The following MED13 variants were observed in gnomAD, a reference collection of about 807,000 sequenced individuals.
The protein encoded by MED13 is mediator of RNA polymerase II transcription subunit 13.
Under a neutral mutation model 225.2 loss-of-function variants are expected in MED13, and 23 were observed. The ratio of observed to expected loss-of-function variants is 0.10; its 90% CI spans 0.07 to 0.14. The LOEUF (loss-of-function observed/expected upper bound fraction) is 0.14. Among genes scored for constraint, MED13 ranks in the 10% least tolerant of loss-of-function variants. The probability of loss-of-function intolerance (pLI) is 1.00; values close to 1 mark genes in which losing one functional copy is unlikely to be tolerated. For synonymous variants in MED13, 942 were observed against 889.2 expected, an observed-to-expected ratio of 1.06 and a Z score of -1.06; for missense variants, 2,197 against 2,594.5, an observed-to-expected ratio of 0.85 and a Z score of 3.33.
In MED13 at chr17:62,031,579, T is replaced by G. The variant is rs761020969; in HGVS notation, c.874A>C (p.Thr292Pro). The G allele has an allele frequency of 1.2e-6, 2 of 1,612,236 alleles. No individual in the cohort carries two copies. Among genetic ancestry groups the G allele is most frequent in the East Asian group, 4.5e-5 (2 of 44,750 alleles). Reference sequence around the variant, plus strand: ...TGAGTGGATCCCACAGGGCTAGGAGTAGGAATGTCTGACTGAGGGACTAGA... The same window carrying G: ...TGAGTGGATCCCACAGGGCTAGGAGGAGGAATGTCTGACTGAGGGACTAGA... ...FVLVPQSDIP[T>P]PSPVGSTHCS... is the part of the protein sequence containing the mutation. Residue 292 changes from threonine (T) to proline (P), a missense_variant, in exon 6 of 30, where the codon ACT (threonine) becomes CCT (proline). Thr to Pro is a conservative substitution (Grantham distance 38, BLOSUM62 -1). Transcript: ENST00000397786.
At chr17:62,015,852 ATGTGTATAGTGTGTATGTGTGTGTG>A (rs2080560678) in intron 8 of MED13, among the ~76,000 whole-genome samples, 1 of 110,626 alleles carries the variant, frequency 9.0e-6, no homozygotes, top group Non-Finnish European at 1.8e-5. Flanking sequence ...CACTATATAT[ATGTGTATAGTGTGTATGTGTGTGTG>A]TATATATATA....
intron 7 of MED13, 71 bp from the exon 8 acceptor site, chr17:62,029,722 ATTAATT>A: frequency 6.6e-7 from 1 of 1,525,278 alleles, no homozygotes; most frequent in South Asian, 1.2e-5. Flanking sequence ...TAGCATTGAA[ATTAATT>A]TTAAAGATCA....
intron 2 of MED13, among the ~76,000 whole-genome samples, chr17:62,062,602 A>ACACAC (rs2081048894): frequency 4.0e-5 from 1 of 25,028 alleles, no homozygotes; most frequent in African/African-American, 2.4e-4. Flanking sequence ...CACACACACC[A>ACACAC]CACACACACA....
At chr17:61,981,369 T>C (rs1022537393) in intron 16 of MED13, among the ~76,000 whole-genome samples, 14 of 152,190 alleles carry the variant, frequency 9.2e-5, no homozygotes, top group Admixed American at 7.9e-4. Flanking sequence ...GTTACTTTCC[T>C]TGTCAAAACT....
intron 28 of MED13, among the ~76,000 whole-genome samples, chr17:61,950,432 G>A (rs937994636): frequency 3.3e-5 from 5 of 151,040 alleles, no homozygotes; most frequent in African/African-American, 1.2e-4. Context: ...CACCCAGGCT[G>A]GAGTGAAGTG....
At chr17:61,974,292 T>C (rs2080134602) in intron 16 of MED13, among the ~76,000 whole-genome samples, 1 of 151,952 alleles carries the variant, frequency 6.6e-6, no homozygotes, top group African/African-American at 2.4e-5. Context: ...TGGTCCCAGC[T>C]ACTCAGGAGA....
At chr17:62,049,585 TG>T (rs764151404) in intron 3 of MED13, among the ~76,000 whole-genome samples, 4 of 151,446 alleles carry the variant, frequency 2.6e-5, no homozygotes, top group Non-Finnish European at 4.4e-5. Flanking sequence ...AATAATTAAG[TG>T]AAAAAAAGGG....
rs1167652520 is a variant in MED13, at chr17:61,992,639, A to G, written c.2182-18T>C. On this transcript the variant is annotated intron_variant, in intron 10 of 29. Coordinates refer to ENST00000397786, the MANE Select transcript of MED13 (RefSeq NM_005121.3). ...TCTTCTACCTGCAAACAAATATTTC[A>G]TGTTAGGCTGAAATATATAATTTAC... 4 of 1,540,536 alleles carry G rather than the reference A, an allele frequency of 2.6e-6. No individual in the cohort carries two copies. Among genetic ancestry groups the G allele is most frequent in the Non-Finnish European group, 3.6e-6 (4 of 1,115,340 alleles).
chr17:61,970,679 CAAAA>C (rs10600340), intron 17 of MED13, among the ~76,000 whole-genome samples: 2 of 46,916 alleles, frequency 4.3e-5, no homozygotes, highest in Non-Finnish European at 7.2e-5. Context: ...GAGACTGTCT[CAAAA>C]AAAAAAAAAA....
rs760964954 is a variant in MED13, at chr17:62,052,645, T to G, written c.362A>C (p.Lys121Thr). 6.2e-7 allele frequency: 1 copy of G among 1,604,142 alleles called. No homozygotes were observed. The highest frequency in any genetic ancestry group is 1.7e-5 in the Admixed American group (1 of 59,410). Residue 121 changes from lysine (K) to threonine (T), a missense_variant, in exon 3 of 30, where the codon AAA (lysine) becomes ACA (threonine). This residue lies in a region of MED13 where 884 missense variants were observed against 918.5 expected (regional missense o/e 0.96). Transcript: ENST00000397786. ...LSYECRTLLF[K>T]AVHNLLERCL... ...CCGTTCCAATAGATTGTGAACTGCTTTGAAAAGCAGAGTACGGCATTCATA... is the reference window on the plus strand; with the variant it reads ...CCGTTCCAATAGATTGTGAACTGCTGTGAAAAGCAGAGTACGGCATTCATA...
intron 2 of MED13, 152 bp downstream of exon 2, chr17:62,062,915 T>A (rs532037393): frequency 3.2e-4 from 189 of 583,782 alleles, no homozygotes; most frequent in Non-Finnish European, 1.6e-4. Flanking sequence ...TAAAATAAAA[T>A]AATCATGGTG....
At chr17:61,948,146 A>G (rs1239648118) in intron 28 of MED13, among the ~76,000 whole-genome samples, 1 of 152,198 alleles carries the variant, frequency 6.6e-6, no homozygotes, top group African/African-American at 2.4e-5. Flanking sequence ...AACCCATTAT[A>G]TTTCCAAGCA....
intron 13 of MED13, 28 bp from the exon 14 acceptor site, chr17:61,984,893 A>T: frequency 6.3e-7 from 1 of 1,596,056 alleles, no homozygotes; most frequent in South Asian, 1.1e-5. Flanking sequence ...ATACATTTTA[A>T]CATGACTAAA....
chr17:62,026,499 TGTAGCTG>T lies in MED13; in HGVS notation c.1283+3035_1283+3041del, dbSNP rs2080703547. Among the ~76,000 whole-genome samples the T allele has an allele frequency of 2.9e-5, 4 of 137,708 alleles. No homozygotes were observed. The Admixed American group carries it at 3.0e-4, about 10-fold the overall frequency. 90.3% of individuals were successfully genotyped at this position (137,708 alleles called of 152,430 possible). On this transcript the variant is annotated intron_variant, in intron 8 of 29. Coordinates refer to ENST00000397786, the MANE Select transcript of MED13 (RefSeq NM_005121.3). Reference sequence around the variant, plus strand: ...TCATTAAAAAAAAAAAAAAAAAGACTGTAGCTGGAAGCACTCCCCTTGAAAAGTGGCA... The same window carrying T: ...TCATTAAAAAAAAAAAAAAAAAGACTGAAGCACTCCCCTTGAAAAGTGGCA...
chr17:61,984,897 G>T, intron 13 of MED13, 32 bp from the exon 14 acceptor site: 3 of 1,592,402 alleles, frequency 1.9e-6, no homozygotes, highest in African/African-American at 2.7e-5. Flanking sequence ...ATTTTAACAT[G>T]ACTAAAAATA....
Position 61,984,480 on chromosome 17 carries a change from T to C in MED13, c.2692-113A>G, listed in dbSNP as rs563889717. On this transcript the variant is annotated intron_variant, in intron 14 of 29. Transcript: ENST00000397786. Reference sequence around the variant, plus strand: ...TTCTTTAAACAGAATAAAATCTAAATACAATTCTATTATTTTCTTAAATGC... The same window carrying C: ...TTCTTTAAACAGAATAAAATCTAAACACAATTCTATTATTTTCTTAAATGC... 107 of 972,694 alleles carry C rather than the reference T, an allele frequency of 1.1e-4. No homozygotes were observed. In the African/African-American group the frequency reaches 1.6e-3, roughly 15 times the overall value. The allele number at this position is 972,694 out of a possible 1,614,324, so 60.3% of individuals were successfully genotyped here. A position where few individuals can be genotyped will look rare whatever the true frequency, so the allele number is the denominator to read the frequency against.
intron 23 of MED13, among the ~76,000 whole-genome samples, chr17:61,960,373 T>G (rs1334747380): frequency 6.6e-6 from 1 of 151,878 alleles, no homozygotes; most frequent in African/African-American, 2.4e-5. Flanking sequence ...GAGATTCAAG[T>G]GATTCTCCTG....
intron 27 of MED13, among the ~76,000 whole-genome samples, 158 bp from the exon 28 acceptor site, chr17:61,951,156 T>C (rs1051009460): frequency 6.6e-6 from 1 of 152,198 alleles, no homozygotes; most frequent in Admixed American, 6.5e-5. Context: ...TCTATGTACT[T>C]AGGAGTATTA....
intron 1 of MED13, among the ~76,000 whole-genome samples, chr17:62,064,625 CAAGA>C (rs1405544644): frequency 6.6e-6 from 1 of 152,004 alleles, no homozygotes; most frequent in Non-Finnish European, 1.5e-5. Context: ...TTAAGTCACC[CAAGA>C]AAGAAACTAA....
Sources: gnomAD v4.1 joint callset for allele counts (sites outside exome capture counted in the v4.1 genomes callset) on GRCh38, gnomAD v4.1.1 for gene constraint, gnomAD v4.1.1 regional missense constraint, MANE v1.5 for transcripts, NCBI Gene and HGNC (gene_info 2026-07-23, HGNC 2026-07-21) for gene names.